The following XKR6 variants were observed in gnomAD, a reference collection of about 807,000 sequenced individuals.
The protein encoded by XKR6 is XK related 6.
A neutral mutation model predicts 56.7 loss-of-function variants in XKR6; 22 were observed. That is an observed-to-expected ratio of 0.39 (90% confidence interval 0.28 to 0.55). The LOEUF (loss-of-function observed/expected upper bound fraction) is 0.55. XKR6 is among the 20% of genes least tolerant of loss of function. XKR6 has a pLI of 0.66. For missense variants in XKR6, 852 were observed against 889.0 expected, an observed-to-expected ratio of 0.96 and a Z score of 0.53; for synonymous variants, 524 against 387.8, an observed-to-expected ratio of 1.35 and a Z score of -4.13.
At chr8:11,133,551 C>T (rs963181120) in intron 1 of XKR6, among the ~76,000 whole-genome samples, 12 of 152,086 alleles carry the variant, frequency 7.9e-5, no homozygotes, top group East Asian at 3.9e-4. Context: ...ACACACTCTC[C>T]GGGGAGACTG....
chr8:10,984,836 G>A (rs992866649), intron 1 of XKR6, among the ~76,000 whole-genome samples: 5 of 150,416 alleles, frequency 3.3e-5, no homozygotes, highest in Non-Finnish European at 5.9e-5. Flanking sequence ...GCCATCTGAT[G>A]TTCTTAGGAA....
intron 1 of XKR6, among the ~76,000 whole-genome samples, chr8:11,037,075 C>G (rs979833273): frequency 1.3e-5 from 2 of 152,188 alleles, no homozygotes; most frequent in African/African-American, 4.8e-5. Flanking sequence ...GCGTGGATAT[C>G]ATTTAGTGAT....
At chr8:10,912,292 T>G (rs1800407898) in intron 2 of XKR6, among the ~76,000 whole-genome samples, 1 of 98,646 alleles carries the variant, frequency 1.0e-5, no homozygotes, top group Non-Finnish European at 2.0e-5. Flanking sequence ...TATATACATA[T>G]ATAAAGAGAG....
chr8:10,990,152 T>C (rs757931832), intron 1 of XKR6, among the ~76,000 whole-genome samples: 5 of 152,070 alleles, frequency 3.3e-5, no homozygotes, highest in Non-Finnish European at 7.3e-5. Flanking sequence ...TTTGTGACAG[T>C]CAGGTATTTG....
At position 10,941,468 on chromosome 8, in the gene XKR6, C is replaced by T. The variant is rs548301816; in HGVS notation, c.765-16638G>A. Among the ~76,000 whole-genome samples the T allele has an allele frequency of 2.6e-5, 4 of 152,352 alleles. 1 individual carries two copies. In the East Asian group the frequency reaches 7.7e-4, roughly 29 times the overall value. ...TCCAGCTGGGTCTGCTGACCCCATG[C>T]ACTGGGCTGTTGCCAAGCACCTGTG... On this transcript the variant is annotated intron_variant, in intron 1 of 2. Coordinates refer to ENST00000416569, the MANE Select transcript of XKR6 (RefSeq NM_173683.4).
intron 2 of XKR6, among the ~76,000 whole-genome samples, chr8:10,912,588 A>G (rs535735838): frequency 6.9e-6 from 1 of 145,384 alleles, no homozygotes; most frequent in African/African-American, 2.5e-5. Context: ...GTGTGCATAT[A>G]TATATGTAGA....
intron 1 of XKR6, among the ~76,000 whole-genome samples, chr8:10,931,397 T>C (rs953434557): frequency 6.6e-6 from 1 of 151,926 alleles, no homozygotes; most frequent in African/African-American, 2.4e-5. Flanking sequence ...AAAACCCAAG[T>C]GGAATTTTTT....
At chr8:11,132,492 G>C (rs2116900297) in intron 1 of XKR6, among the ~76,000 whole-genome samples, 1 of 151,860 alleles carries the variant, frequency 6.6e-6, no homozygotes, top group East Asian at 1.9e-4. Context: ...CTCCCGAGTA[G>C]CTGGGATTAC....
intron 1 of XKR6, among the ~76,000 whole-genome samples, chr8:11,193,576 T>A (rs1355713409): frequency 6.6e-6 from 1 of 152,054 alleles, no homozygotes; most frequent in African/African-American, 2.4e-5. Context: ...TATACCTTAA[T>A]CTAAACAAAC....
rs749796451 is a variant in XKR6 at position 10,899,592 on chromosome 8, C to G, written c.962-676G>C. Among the ~76,000 whole-genome samples the G allele has an allele frequency of 2.6e-5, 4 of 152,314 alleles. No homozygotes were observed. The East Asian group carries it at 5.8e-4, about 22-fold the overall frequency. The stretch of plus-strand genomic sequence containing the variant: ...CTGGTCTTTTCGGCCTCTCCACAAT[C>G]CCTGTTGCTTTTTCCAACCGACTGC... On this transcript the variant is annotated intron_variant, in intron 2 of 2. Transcript: ENST00000416569.
In XKR6 at chr8:10,995,259, A is replaced by C. The variant is rs150825604; in HGVS notation, c.765-70429T>G. Among the ~76,000 whole-genome samples, 371 of 151,808 alleles carry C rather than the reference A, an allele frequency of 2.4e-3. 2 individuals are homozygous for C. The highest frequency in any genetic ancestry group is 7.8e-3 in the African/African-American group (324 of 41,410). Reference sequence around the variant, plus strand: ...GCTGGGCATGGTGGCTCACACCTATAATCCCAGTGCTTTAGGAGACTGAAG... The same window carrying C: ...GCTGGGCATGGTGGCTCACACCTATCATCCCAGTGCTTTAGGAGACTGAAG... On this transcript the variant is annotated intron_variant, in intron 1 of 2. Transcript: ENST00000416569.
At position 10,956,927 on chromosome 8, in the gene XKR6, G is replaced by A. The variant is rs547349155; in HGVS notation, c.765-32097C>T. On this transcript the variant is annotated intron_variant, in intron 1 of 2. Transcript: ENST00000416569. ...CTGGCACCTTGCTTTTCTTACCCTA[G>A]TCCTGGCCTTGTCCATAACTCAGTA... Among the ~76,000 whole-genome samples, 4 of 152,252 alleles carry A rather than the reference G, an allele frequency of 2.6e-5. No homozygotes were observed. The South Asian group carries it at 8.3e-4, about 32-fold the overall frequency.
rs567771885 is a variant in XKR6, at chr8:10,920,494, C to T, written c.961+4140G>A. Reference sequence around the variant, plus strand: ...GCTTTCTACGCTGCGACCCTCCAGGCACCCATGTGACTGGGAGAGGCCATG... The same window carrying T: ...GCTTTCTACGCTGCGACCCTCCAGGTACCCATGTGACTGGGAGAGGCCATG... On this transcript the variant is annotated intron_variant, in intron 2 of 2. Transcript: ENST00000416569. Among the ~76,000 whole-genome samples the T allele has an allele frequency of 1.8e-3, 274 of 152,368 alleles. 2 individuals are homozygous for T. The highest frequency in any genetic ancestry group is 6.3e-3 in the African/African-American group (260 of 41,588).
At chr8:10,957,033 C>T (rs1426127918) in intron 1 of XKR6, among the ~76,000 whole-genome samples, 2 of 152,176 alleles carry the variant, frequency 1.3e-5, no homozygotes, top group Non-Finnish European at 2.9e-5. Context: ...TTGCTACAAC[C>T]TCTGCCTCCT....
chr8:10,993,338 A>C (rs949413220), intron 1 of XKR6, among the ~76,000 whole-genome samples: 1 of 152,190 alleles, frequency 6.6e-6, no homozygotes, highest in Non-Finnish European at 1.5e-5. Context: ...CGGGGGTGTG[A>C]GGGCAGTGGC....
chr8:10,956,247 T>C (rs997174924), intron 1 of XKR6, among the ~76,000 whole-genome samples: 10 of 152,318 alleles, frequency 6.6e-5, no homozygotes, highest in African/African-American at 2.4e-4. Flanking sequence ...TGCGGAGCCT[T>C]CCTCTGTGGC....
chr8:10,965,597 T>G (rs1455070450), intron 1 of XKR6, among the ~76,000 whole-genome samples: 1 of 152,152 alleles, frequency 6.6e-6, no homozygotes, highest in Non-Finnish European at 1.5e-5. Flanking sequence ...TTCCCCTCTT[T>G]CCAGACAGAA....
intron 1 of XKR6, among the ~76,000 whole-genome samples, chr8:10,962,538 A>T (rs1802095684): frequency 6.6e-6 from 1 of 152,142 alleles, no homozygotes; most frequent in African/African-American, 2.4e-5. Context: ...ACTTGTAAGG[A>T]AGTTCCAACT....
chr8:11,048,091 T>C (rs1426901578), intron 1 of XKR6, among the ~76,000 whole-genome samples: 2 of 152,084 alleles, frequency 1.3e-5, no homozygotes, highest in African/African-American at 2.4e-5. Context: ...ACTGTCTGTA[T>C]CCTTCGATCA....
Sources: gnomAD v4.1 joint callset for allele counts (sites outside exome capture counted in the v4.1 genomes callset) on GRCh38, gnomAD v4.1.1 for gene constraint, MANE v1.5 for transcripts, NCBI Gene and HGNC (gene_info 2026-07-23, HGNC 2026-07-21) for gene names.